The following SHLD2 variants were observed in gnomAD, a reference collection of about 807,000 sequenced individuals.
SHLD2 encodes the protein shieldin complex subunit 2.
A neutral mutation model predicts 73.2 loss-of-function variants in SHLD2; 30 were observed. The observed-to-expected ratio is 0.41, with a 90% CI of 0.31 to 0.56. The LOEUF (loss-of-function observed/expected upper bound fraction) is 0.56, where lower values mean the gene tolerates loss of function less well. SHLD2 is among the 20% of genes least tolerant of loss of function. The pLI is 0.28. For missense variants in SHLD2, 745 were observed against 1,055.9 expected (o/e 0.71, Z 4.08); for synonymous variants, 285 against 370.1 (o/e 0.77, Z 2.64).
At chr10:87,182,693 T>C (rs1288314859) in intron 8 of SHLD2, among the ~76,000 whole-genome samples, 1 of 152,118 alleles carries the variant, frequency 6.6e-6, no homozygotes, top group East Asian at 1.9e-4. Flanking sequence ...GGCTCCTATT[T>C]AGGCAGCACT....
Position 87,151,932 on chromosome 10 carries a change from T to G in SHLD2, c.578T>G (p.Val193Gly). Residue 193 changes from valine (V) to glycine (G), a missense_variant, in exon 3 of 10, where the codon GTG becomes GGG. Around this residue, in one of 5 missense-constraint regions of SHLD2, gnomAD observed 280 missense variants for 353.9 expected, o/e 0.79. Transcript: ENST00000298786. ...GAAAAAATTAATATAGGGCCTGAAG[T>G]GGTACAAAGAGAGTGTGTGCCAACA... ...STEKINIGPE[V>G]VQRECVPTEY... 6.2e-7 allele frequency: 1 copy of G among 1,611,146 alleles called. No homozygotes were observed. Among genetic ancestry groups the G allele is most frequent in the Non-Finnish European group, 8.5e-7 (1 of 1,179,258 alleles).
At chr10:87,174,162 TA>T (rs1283296328) in intron 6 of SHLD2, among the ~76,000 whole-genome samples, 1 of 151,358 alleles carries the variant, frequency 6.6e-6, no homozygotes, top group East Asian at 1.9e-4. Flanking sequence ...TTGTGAAAAA[TA>T]AAAAACAACC....
At chr10:87,167,579 T>G (rs1229575077) in intron 4 of SHLD2, among the ~76,000 whole-genome samples, 2 of 152,136 alleles carry the variant, frequency 1.3e-5, no homozygotes, top group Non-Finnish European at 2.9e-5. Flanking sequence ...GGGAAATAAT[T>G]ATGATGAAGC....
chr10:87,148,558 T>TGGGGG (rs1261224967), intron 2 of SHLD2, among the ~76,000 whole-genome samples: 2 of 112,544 alleles, frequency 1.8e-5, no homozygotes, highest in African/African-American at 7.2e-5. Context: ...AACAAGTTTG[T>TGGGGG]GGGGGGGCGG....
At chr10:87,167,651 A>C (rs1847295749) in intron 4 of SHLD2, among the ~76,000 whole-genome samples, 1 of 152,014 alleles carries the variant, frequency 6.6e-6, no homozygotes, top group African/African-American at 2.4e-5. Flanking sequence ...CTTTTTTAAA[A>C]TTTATTTTTT....
At chr10:87,107,122 T>C (rs1842651369) in intron 2 of SHLD2, among the ~76,000 whole-genome samples, 1 of 146,644 alleles carries the variant, frequency 6.8e-6, no homozygotes, top group South Asian at 2.1e-4. Flanking sequence ...ATTTAAAATG[T>C]AGGATAAAGG....
chr10:87,140,866 C>G (rs1564593376), intron 2 of SHLD2, among the ~76,000 whole-genome samples: 1 of 152,042 alleles, frequency 6.6e-6, no homozygotes, highest in Non-Finnish European at 1.5e-5. Context: ...ATCCCACTTA[C>G]TTGGGAGGCT....
chr10:87,147,917 G>C (rs1460773083), intron 2 of SHLD2, among the ~76,000 whole-genome samples: 3 of 151,520 alleles, frequency 2.0e-5, no homozygotes, highest in Non-Finnish European at 2.9e-5. Flanking sequence ...GAGTGCAGTG[G>C]TGTGATCTCA....
intron 2 of SHLD2, among the ~76,000 whole-genome samples, chr10:87,112,564 C>T (rs1029387693): frequency 3.3e-5 from 5 of 149,282 alleles, no homozygotes; most frequent in Non-Finnish European, 6.0e-5. Flanking sequence ...GAGCCTGTGC[C>T]GTCGAGGCTG....
chr10:87,150,163 C>G (rs1272383299), intron 2 of SHLD2, among the ~76,000 whole-genome samples: 1 of 148,468 alleles, frequency 6.7e-6, no homozygotes, highest in Non-Finnish European at 1.5e-5. Context: ...CTCCTGAGTT[C>G]AAGCGCTTCT....
At position 87,151,695 on chromosome 10, in the gene SHLD2, A is replaced by G. The variant is rs753194156; in HGVS notation, c.341A>G (p.Asp114Gly). Residue 114 changes from aspartate (D) to glycine (G), a missense_variant, in exon 3 of 10, where the codon GAT becomes GGT. Around this residue, in one of 5 missense-constraint regions of SHLD2, gnomAD observed 280 missense variants for 353.9 expected, o/e 0.79. Coordinates refer to ENST00000298786, the MANE Select transcript of SHLD2 (RefSeq NM_001330112.2). ...SQKIHSSRLSDITSSNMQICG... is the reference protein window; with the variant it reads ...SQKIHSSRLSGITSSNMQICG... ...AAGATTCACTCCTCTAGACTGAGTG[A>G]TATAACTAGCTCTAATATGCAAATA... 1.2e-6 allele frequency: 2 copies of G among 1,611,942 alleles called. No homozygotes were observed. The highest frequency in any genetic ancestry group is 1.1e-5 in the South Asian group (1 of 90,988).
At chr10:87,161,281 A>G (rs1846795145) in intron 4 of SHLD2, among the ~76,000 whole-genome samples, 1 of 151,990 alleles carries the variant, frequency 6.6e-6, no homozygotes, top group South Asian at 2.1e-4. Context: ...AAAGAAAAAG[A>G]AAAAGAAAAA....
At chr10:87,110,430 A>T (rs1455894999) in intron 2 of SHLD2, among the ~76,000 whole-genome samples, 1 of 152,066 alleles carries the variant, frequency 6.6e-6, no homozygotes, top group Non-Finnish European at 1.5e-5. Context: ...CAACAGGGAA[A>T]CCCCATCTCT....
intron 2 of SHLD2, among the ~76,000 whole-genome samples, chr10:87,124,746 GTTT>G (rs201784628): frequency 0.035 from 4,503 of 129,482 alleles, 180 homozygotes; most frequent in Admixed American, 0.12. Context: ...TAAAAAAATT[GTTT>G]TTTTTTTTTT....
At chr10:87,125,731 C>T (rs1037368714) in intron 2 of SHLD2, among the ~76,000 whole-genome samples, 4 of 151,622 alleles carry the variant, frequency 2.6e-5, no homozygotes, top group African/African-American at 4.9e-5. Flanking sequence ...GAGTGAAACT[C>T]CATTTCAAAA....
At chr10:87,103,935 T>TA (rs1842427552) in intron 2 of SHLD2, among the ~76,000 whole-genome samples, 1 of 152,114 alleles carries the variant, frequency 6.6e-6, no homozygotes, top group African/African-American at 2.4e-5. Context: ...TGAGGTCTCT[T>TA]AAAAATTCAC....
intron 4 of SHLD2, among the ~76,000 whole-genome samples, chr10:87,160,701 G>A (rs1846742439): frequency 6.6e-6 from 1 of 151,818 alleles, no homozygotes; most frequent in African/African-American, 2.4e-5. Flanking sequence ...GACAAGAAGA[G>A]GCATCTGGTC....
chr10:87,143,545 C>T (rs1318505039), intron 2 of SHLD2, among the ~76,000 whole-genome samples: 2 of 152,060 alleles, frequency 1.3e-5, no homozygotes, highest in Non-Finnish European at 2.9e-5. Flanking sequence ...AGTTTTTAGA[C>T]AAAATTCAAC....
chr10:87,189,923 T>C (rs2134819064), intron 9 of SHLD2, among the ~76,000 whole-genome samples: 1 of 152,356 alleles, frequency 6.6e-6, no homozygotes, highest in East Asian at 1.9e-4. Flanking sequence ...TACTGCAGCA[T>C]AACCAGAACT....
Sources: allele counts gnomAD v4.1 joint callset (sites outside exome capture counted in the v4.1 genomes callset), GRCh38; gene constraint gnomAD v4.1.1; regional missense constraint gnomAD v4.1.1; transcripts MANE v1.5; gene names NCBI Gene and HGNC (gene_info 2026-07-23, HGNC 2026-07-21).